The following HSD17B11 variants were observed in gnomAD, a reference collection of about 807,000 sequenced individuals.
HSD17B11 encodes the protein hydroxysteroid 17-beta dehydrogenase 11, also known as estradiol 17-beta-dehydrogenase 11.
A neutral mutation model predicts 27.8 loss-of-function variants in HSD17B11; 22 were observed. The observed-to-expected ratio is 0.79, with a 90% CI of 0.56 to 1.13. The LOEUF is 1.13. Ranked by LOEUF, HSD17B11 falls within the 50% of genes most tolerant of loss-of-function variation. HSD17B11 has a pLI of 0.00. For missense variants in HSD17B11, 314 were observed against 351.1 expected (o/e 0.89, Z 0.84); for synonymous variants, 117 against 132.8 (o/e 0.88, Z 0.82).
At chr4:87,354,347 T>C (rs11097147) in intron 5 of HSD17B11, among the ~76,000 whole-genome samples, 27,054 of 151,986 alleles carry the variant, frequency 0.18, 2,619 homozygotes, top group African/African-American at 0.24. Context: ...AGGCCAGGCA[T>C]GGTGACTCAT....
intron 5 of HSD17B11, among the ~76,000 whole-genome samples, chr4:87,355,412 A>T (rs1021013754): frequency 6.6e-6 from 1 of 152,084 alleles, no homozygotes; most frequent in Non-Finnish European, 1.5e-5. Flanking sequence ...AATGAGAAAG[A>T]CCTTTCTAAA....
Position 87,370,994 on chromosome 4 carries a change from C to T in HSD17B11, c.557+1715G>A, listed in dbSNP as rs908213812. Among the ~76,000 whole-genome samples the T allele has an allele frequency of 9.0e-5, 12 of 133,488 alleles. No individual in the cohort carries two copies. In the East Asian group the frequency reaches 1.9e-3, roughly 22 times the overall value. The allele number at this position is 133,488 out of a possible 152,430, so 87.6% of individuals were successfully genotyped here. On this transcript the variant is annotated intron_variant, in intron 4 of 6. Transcript: ENST00000358290. Reference sequence around the variant, plus strand: ...GTCTCGATCTCCTGACCTCGTGATCCGCCCGCCTCGGCCTCCCAAAGTGCT... The same window carrying T: ...GTCTCGATCTCCTGACCTCGTGATCTGCCCGCCTCGGCCTCCCAAAGTGCT...
In HSD17B11 at chr4:87,336,962, G is replaced by A. The variant is rs2110110523; in HGVS notation, c.*314C>T. The stretch of plus-strand genomic sequence containing the variant: ...AATAAAAATATATGTTAAATAAACG[G>A]TTATGGTACAAATTTTGCAAAGCCT... On this transcript the variant is annotated 3_prime_UTR_variant, in exon 7 of 7. Transcript: ENST00000358290. The A allele has an allele frequency of 4.2e-6, 1 of 239,344 alleles. No individual in the cohort carries two copies. Among genetic ancestry groups the A allele is most frequent in the Non-Finnish European group, 7.9e-6 (1 of 126,204 alleles). The allele number at this position is 239,344 out of a possible 1,614,324, so 14.8% of individuals were successfully genotyped here. A position where few individuals can be genotyped will look rare whatever the true frequency, so the allele number is the denominator to read the frequency against.
rs952473524 is a variant in HSD17B11 at position 87,380,256 on chromosome 4, C to T, written c.318+1999G>A. Reference sequence around the variant, plus strand: ...TTGGGAGGCCAAGGCAGGCGGATCGCGAGGTCAGGAGATCGAGACCATCCT... The same window carrying T: ...TTGGGAGGCCAAGGCAGGCGGATCGTGAGGTCAGGAGATCGAGACCATCCT... On this transcript the variant is annotated intron_variant, in intron 2 of 6. Coordinates refer to ENST00000358290, the MANE Select transcript of HSD17B11 (RefSeq NM_016245.5). Among the ~76,000 whole-genome samples, 8 of 151,082 alleles carry T rather than the reference C, an allele frequency of 5.3e-5. No individual in the cohort carries two copies. In the South Asian group the frequency reaches 6.3e-4, roughly 12 times the overall value.
chr4:87,367,586 C>A (rs1163531835), intron 4 of HSD17B11, among the ~76,000 whole-genome samples: 1 of 152,164 alleles, frequency 6.6e-6, no homozygotes, highest in Middle Eastern at 3.2e-3. Context: ...GCAAATCAGT[C>A]TTACCATAAT....
chr4:87,353,730 T>TG lies in HSD17B11; in HGVS notation c.695+3548_695+3549insC, dbSNP rs1735328401. On this transcript the variant is annotated intron_variant, in intron 5 of 6. Coordinates refer to ENST00000358290, the MANE Select transcript of HSD17B11 (RefSeq NM_016245.5). ...TTAAGGTCAGCTCTGTGCGGCCTTGTAGGGGGGGCAAGGTTAAAAAATTCA... is the reference window on the plus strand; with the variant it reads ...TTAAGGTCAGCTCTGTGCGGCCTTGTGAGGGGGGGCAAGGTTAAAAAATTCA... 5.6e-5 allele frequency among the ~76,000 whole-genome samples: 8 copies of TG among 143,050 alleles called. No individual in the cohort carries two copies. In the Admixed American group the frequency reaches 5.8e-4, roughly 10 times the overall value. 93.8% of individuals were successfully genotyped at this position (143,050 alleles called of 152,430 possible). A position where few individuals can be genotyped will look rare whatever the true frequency, so the allele number is the denominator to read the frequency against.
chr4:87,383,544 T>G (rs1720226649), intron 1 of HSD17B11, among the ~76,000 whole-genome samples: 1 of 152,192 alleles, frequency 6.6e-6, no homozygotes, highest in African/African-American at 2.4e-5. Flanking sequence ...GAGCCACATC[T>G]GACATCTTTG....
At chr4:87,343,671 C>T (rs1359502468) in intron 5 of HSD17B11, among the ~76,000 whole-genome samples, 2 of 151,994 alleles carry the variant, frequency 1.3e-5, no homozygotes, top group Non-Finnish European at 2.9e-5. Flanking sequence ...CTTCAGCCTC[C>T]CAAGTAGCTG....
chr4:87,360,503 C>T (rs1347266713), intron 4 of HSD17B11, among the ~76,000 whole-genome samples: 2 of 152,208 alleles, frequency 1.3e-5, no homozygotes, highest in East Asian at 1.9e-4. Flanking sequence ...TTTTTCCCAT[C>T]AGCATTTGTG....
intron 2 of HSD17B11, among the ~76,000 whole-genome samples, chr4:87,378,835 T>TATATATAAATATATATATAA (rs1456917940): frequency 2.4e-5 from 1 of 41,852 alleles, no homozygotes; most frequent in Non-Finnish European, 4.0e-5. Flanking sequence ...TATATAAATA[T>TATATATAAATATATATATAA]ATATATATAA....
At chr4:87,359,087 T>G (rs915757158) in intron 4 of HSD17B11, among the ~76,000 whole-genome samples, 14 of 152,176 alleles carry the variant, frequency 9.2e-5, no homozygotes, top group African/African-American at 3.4e-4. Context: ...ATTTAAGACA[T>G]GCCTGCTTCC....
In HSD17B11 at chr4:87,358,790, AAT is replaced by A. The variant is rs1209725636; in HGVS notation, c.558-1376_558-1375del. On this transcript the variant is annotated intron_variant, in intron 4 of 6. Transcript: ENST00000358290. ...AGAAAGCTGTGGAAATTTTTTAAAA[AAT>A]TTTAAAAAAAATTTCTTACCTTTTT... Among the ~76,000 whole-genome samples the A allele has an allele frequency of 8.4e-3, 1,281 of 152,276 alleles. 16 individuals carry two copies. The highest frequency in any genetic ancestry group is 0.028 in the African/African-American group (1,181 of 41,550).
chr4:87,353,827 A>T (rs1735330572), intron 5 of HSD17B11, among the ~76,000 whole-genome samples: 1 of 152,214 alleles, frequency 6.6e-6, no homozygotes, highest in Admixed American at 6.5e-5. Flanking sequence ...ACTTGACTCA[A>T]ATATGTTATT....
chr4:87,370,755 A>ATTT (rs57047986), intron 4 of HSD17B11, among the ~76,000 whole-genome samples: 9 of 57,518 alleles, frequency 1.6e-4, no homozygotes, highest in South Asian at 5.1e-4. Flanking sequence ...TATTATTATT[A>ATTT]TTTTTTTTTT....
At chr4:87,361,538 C>T (rs1467669588) in intron 4 of HSD17B11, among the ~76,000 whole-genome samples, 6 of 152,112 alleles carry the variant, frequency 3.9e-5, no homozygotes, top group East Asian at 1.9e-4. Flanking sequence ...GAGGCCAAGG[C>T]GGGCGGATCA....
chr4:87,344,939 G>A (rs1735242325), intron 5 of HSD17B11, among the ~76,000 whole-genome samples: 1 of 152,162 alleles, frequency 6.6e-6, no homozygotes. Flanking sequence ...AATACTTTGA[G>A]GTGAACATAA....
chr4:87,366,439 G>A (rs1735615065), intron 4 of HSD17B11, among the ~76,000 whole-genome samples: 1 of 152,118 alleles, frequency 6.6e-6, no homozygotes, highest in African/African-American at 2.4e-5. Context: ...ATGTAAAGGT[G>A]AAATTTCGCT....
chr4:87,370,745 TATTATTATTA>T (rs1560765958), intron 4 of HSD17B11, among the ~76,000 whole-genome samples: 5 of 36,302 alleles, frequency 1.4e-4, no homozygotes, highest in South Asian at 8.2e-4. Flanking sequence ...TTATTATTAT[TATTATTATTA>T]TTTTTTTTTT....
intron 4 of HSD17B11, among the ~76,000 whole-genome samples, chr4:87,365,067 G>A (rs1210814455): frequency 6.6e-6 from 1 of 152,240 alleles, no homozygotes. Flanking sequence ...TACGCGGGAG[G>A]CTGAGGCATG....
Sources: gnomAD v4.1 joint callset for allele counts (sites outside exome capture counted in the v4.1 genomes callset) on GRCh38, gnomAD v4.1.1 for gene constraint, MANE v1.5 for transcripts, NCBI Gene and HGNC (gene_info 2026-07-23, HGNC 2026-07-21) for gene names.